MS4A12: variants seen among roughly 807,000 people sequenced by gnomAD.
The protein encoded by MS4A12 is membrane spanning 4-domains A12, also known as membrane-spanning 4-domains subfamily A member 12.
A neutral mutation model predicts 23.7 loss-of-function variants in MS4A12; 28 were observed. The ratio of observed to expected loss-of-function variants is 1.18; its 90% confidence interval spans 0.88 to 1.62. The LOEUF (loss-of-function observed/expected upper bound fraction) is 1.62, where lower values mean the gene tolerates loss of function less well. Ranked by LOEUF, MS4A12 falls within the 40% of genes most tolerant of loss-of-function variation. The pLI is 0.00. For synonymous variants in MS4A12, 108 were observed against 110.1 expected, an observed-to-expected ratio of 0.98 and a Z score of 0.12; for missense variants, 342 against 327.0, an observed-to-expected ratio of 1.05 and a Z score of -0.35.
chr11:60,495,485 A>T (rs1228668306), intron 1 of MS4A12, among the ~76,000 whole-genome samples: 1 of 151,938 alleles, frequency 6.6e-6, no homozygotes. Context: ...GGGTACAGAG[A>T]TAATGTATCT....
chr11:60,492,845 G>A lies in MS4A12; in HGVS notation c.-7+17G>A, dbSNP rs7942906. 0.56 allele frequency: 85,366 copies of A among 152,024 alleles called. 24,070 individuals carry two copies. The highest frequency in any genetic ancestry group is 0.64 in the East Asian group (3,334 of 5,174). The allele number at this position is 152,024 out of a possible 1,614,324, so 9.4% of individuals were successfully genotyped here. A position where few individuals can be genotyped will look rare whatever the true frequency, so the allele number is the denominator to read the frequency against. ...AGGAACAAAGTAAGTCCATTGATAC[G>A]TTCTTGCCTATCTCTCCTCCAAATC... On this transcript the variant is annotated intron_variant, in intron 1 of 6. Transcript: ENST00000016913.
At chr11:60,498,319 C>T (rs1002464151) in intron 2 of MS4A12, among the ~76,000 whole-genome samples, 7 of 152,260 alleles carry the variant, frequency 4.6e-5, no homozygotes, top group South Asian at 4.1e-4. Context: ...TGGAGCATTC[C>T]GTAAATGAAT....
chr11:60,494,240 T>C (rs934304532), intron 1 of MS4A12, among the ~76,000 whole-genome samples: 3 of 152,162 alleles, frequency 2.0e-5, no homozygotes, highest in Admixed American at 6.5e-5. Context: ...GACCTAGCCA[T>C]GAATAATCTG....
rs1315625586 is a variant in MS4A12 at position 60,497,595 on chromosome 11, G to A, written c.276+1G>A. ...TAAAGAAGAAGCAAAGGCACTAGGGGTAAGTCTATTTACTACCAGAATTTT... is the reference window on the plus strand; with the variant it reads ...TAAAGAAGAAGCAAAGGCACTAGGGATAAGTCTATTTACTACCAGAATTTT... On this transcript the variant is annotated splice_donor_variant, in intron 2 of 6. Coordinates refer to ENST00000016913, the MANE Select transcript of MS4A12 (RefSeq NM_017716.3). LOFTEE classifies it high-confidence loss of function. 1.9e-6 allele frequency: 3 copies of A among 1,613,736 alleles called. No individual in the cohort carries two copies. The highest frequency in any genetic ancestry group is 1.7e-5 in the Admixed American group (1 of 60,022).
At chr11:60,496,514 A>G (rs2086488857) in intron 1 of MS4A12, among the ~76,000 whole-genome samples, 1 of 152,232 alleles carries the variant, frequency 6.6e-6, no homozygotes, top group Admixed American at 6.5e-5. Context: ...TAAAGAACAG[A>G]AGAATCATCT....
At chr11:60,493,411 G>A (rs1341057580) in intron 1 of MS4A12, among the ~76,000 whole-genome samples, 1 of 150,538 alleles carries the variant, frequency 6.6e-6, no homozygotes, top group African/African-American at 2.4e-5. Context: ...TGCTAAGAAA[G>A]GTGAATAATA....
intron 1 of MS4A12, among the ~76,000 whole-genome samples, chr11:60,496,193 C>T (rs2086486370): frequency 6.6e-6 from 1 of 152,126 alleles, no homozygotes; most frequent in African/African-American, 2.4e-5. Context: ...TTGTTAGATA[C>T]CAGTGATACA....
At chr11:60,497,196 A>C (rs746771328) in intron 1 of MS4A12, 117 bp from the exon 2 acceptor site, 4 of 1,208,734 alleles carry the variant, frequency 3.3e-6, no homozygotes, top group Non-Finnish European at 2.3e-6. Context: ...ATGGCCCATT[A>C]TCTGCTCACT....
chr11:60,499,214 G>C (rs1191932342), intron 2 of MS4A12, among the ~76,000 whole-genome samples: 1 of 152,234 alleles, frequency 6.6e-6, no homozygotes, highest in Non-Finnish European at 1.5e-5. Context: ...GGCAGGACTT[G>C]GCACACCTGT....
rs2086458788 is a variant in MS4A12, at chr11:60,492,794, A to G, written c.-41A>G. 3 of 152,256 alleles carry G rather than the reference A, an allele frequency of 2.0e-5. No individual in the cohort carries two copies. The highest frequency in any genetic ancestry group is 4.4e-5 in the Non-Finnish European group (3 of 68,052). The allele number at this position is 152,256 out of a possible 1,614,324, so 9.4% of individuals were successfully genotyped here. A position where few individuals can be genotyped will look rare whatever the true frequency, so the allele number is the denominator to read the frequency against. ...GATACTGGCACACAGGTTGGAGCAG[A>G]GAAAGAGGAAACATAGAGGTGCCAA... On this transcript the variant is annotated 5_prime_UTR_variant, in exon 1 of 7. Coordinates refer to ENST00000016913, the MANE Select transcript of MS4A12 (RefSeq NM_017716.3).
At chr11:60,500,385 T>C (rs1432313251) in intron 2 of MS4A12, among the ~76,000 whole-genome samples, 2 of 151,906 alleles carry the variant, frequency 1.3e-5, no homozygotes, top group Admixed American at 6.6e-5. Context: ...GAAGACTTCA[T>C]GGAAAAGGTA....
intron 2 of MS4A12, 98 bp from the exon 3 acceptor site, chr11:60,500,947 C>T (rs954526172): frequency 7.2e-7 from 1 of 1,398,056 alleles, no homozygotes; most frequent in South Asian, 1.4e-5. Flanking sequence ...TGGATCTCAG[C>T]AAAATTGACA....
chr11:60,502,823 G>A (rs1440744778), intron 4 of MS4A12, among the ~76,000 whole-genome samples: 1 of 152,144 alleles, frequency 6.6e-6, no homozygotes. Context: ...GCCTAATTCT[G>A]ATTAACCACT....
chr11:60,505,347 C>T (rs1300914159), intron 5 of MS4A12, among the ~76,000 whole-genome samples: 1 of 152,100 alleles, frequency 6.6e-6, no homozygotes, highest in African/African-American at 2.4e-5. Context: ...CACCAGGTTC[C>T]TCCCACAACA....
chr11:60,502,154 A>G, intron 4 of MS4A12, 115 bp downstream of exon 4: 2 of 1,063,900 alleles, frequency 1.9e-6, no homozygotes, highest in Non-Finnish European at 2.8e-6. Flanking sequence ...TTTCCCAAAA[A>G]AAATCTATTG....
chr11:60,503,683 TCCTGCCA>T lies in MS4A12; in HGVS notation c.472-17_472-11del. On this transcript the variant is annotated splice_polypyrimidine_tract_variant and intron_variant, in intron 4 of 6. Transcript: ENST00000016913. ...GTGATCCTGTATATAATTGATTTTT[TCCTGCCA>T]TCTCCATTAGGTGAAAGGCAGCCTG... is the stretch of plus-strand genomic sequence containing the variant. 1.3e-6 allele frequency: 2 copies of T among 1,582,894 alleles called. No individual in the cohort carries two copies. Among genetic ancestry groups the T allele is most frequent in the South Asian group, 2.2e-5 (2 of 88,904 alleles).
chr11:60,507,089 A>T lies in MS4A12; in HGVS notation c.769A>T (p.Arg257Ter). 1 of 1,613,852 alleles carries T rather than the reference A, an allele frequency of 6.2e-7. No homozygotes were observed. The highest frequency in any genetic ancestry group is 8.5e-7 in the Non-Finnish European group (1 of 1,179,716). The change falls in exon 7 of 7, where the codon AGA (arginine) becomes TGA (stop). Residue 257 changes from arginine to a stop codon, truncating the protein, a stop_gained. Coordinates refer to ENST00000016913, the MANE Select transcript of MS4A12 (RefSeq NM_017716.3). LOFTEE classifies it low-confidence loss of function (END_TRUNC). The part of the protein sequence containing the change: ...VTPASSSAPP[R>*]CNNYSANAPK Reference sequence around the variant, plus strand: ...ACCAGCGTCTTCTTCAGCTCCTCCCAGATGCAACAACTACTCAGCTAATGC... The same window carrying T: ...ACCAGCGTCTTCTTCAGCTCCTCCCTGATGCAACAACTACTCAGCTAATGC...
At chr11:60,505,448 C>A (rs948560404) in intron 5 of MS4A12, among the ~76,000 whole-genome samples, 1 of 151,992 alleles carries the variant, frequency 6.6e-6, no homozygotes, top group Non-Finnish European at 1.5e-5. Flanking sequence ...GAAAGCTTCT[C>A]GGTAAATAAG....
intron 1 of MS4A12, among the ~76,000 whole-genome samples, chr11:60,494,829 A>G (rs1298407476): frequency 2.0e-5 from 3 of 152,200 alleles, no homozygotes. Context: ...ATTAGAAAAG[A>G]GGGCTTGAGC....
Sources: gnomAD v4.1 joint callset for allele counts (sites outside exome capture counted in the v4.1 genomes callset) on GRCh38, gnomAD v4.1.1 for gene constraint, MANE v1.5 for transcripts, NCBI Gene and HGNC (gene_info 2026-07-23, HGNC 2026-07-21) for gene names.